Variants in SGCZ observed in about 807,000 individuals in gnomAD.
SGCZ encodes zeta-sarcoglycan.
A neutral mutation model predicts 41.3 loss-of-function variants in SGCZ; 40 were observed. The ratio of observed to expected loss-of-function variants is 0.97; its 90% CI spans 0.75 to 1.26. SGCZ has a LOEUF of 1.26. Ranked by LOEUF, SGCZ falls within the 50% of genes most tolerant of loss-of-function variation. SGCZ has a pLI of 0.00. For missense variants in SGCZ, 552 were observed against 369.8 expected, an observed-to-expected ratio of 1.49 and a Z score of -4.04; for synonymous variants, 206 against 137.5, an observed-to-expected ratio of 1.50 and a Z score of -3.49.
intron 2 of SGCZ, among the ~76,000 whole-genome samples, chr8:14,509,231 T>A (rs1399969928): frequency 6.6e-6 from 1 of 152,204 alleles, no homozygotes; most frequent in Admixed American, 6.6e-5. Flanking sequence ...TTATTTCCAA[T>A]GCTTAAGATT....
chr8:14,107,397 G>A (rs1043297753), intron 6 of SGCZ, among the ~76,000 whole-genome samples: 4 of 151,988 alleles, frequency 2.6e-5, no homozygotes, highest in Non-Finnish European at 5.9e-5. Flanking sequence ...ATGCCTCCTA[G>A]AACCATCACA....
intron 1 of SGCZ, among the ~76,000 whole-genome samples, chr8:14,942,534 T>A (rs1020742524): frequency 6.6e-6 from 1 of 152,106 alleles, no homozygotes; most frequent in African/African-American, 2.4e-5. Flanking sequence ...AATCTTACAT[T>A]TAAGGCCAGT....
intron 2 of SGCZ, among the ~76,000 whole-genome samples, chr8:14,491,445 G>A (rs62498375): frequency 0.19 from 28,857 of 152,126 alleles, 3,280 homozygotes; most frequent in Admixed American, 0.26. Context: ...GTGCTAAGCT[G>A]TCTAACTAGT....
intron 1 of SGCZ, among the ~76,000 whole-genome samples, chr8:14,838,959 G>A (rs1802803826): frequency 1.3e-5 from 2 of 152,280 alleles, no homozygotes; most frequent in African/African-American, 2.4e-5. Flanking sequence ...GCATGGCTAT[G>A]TTGGACAAGG....
intron 1 of SGCZ, among the ~76,000 whole-genome samples, chr8:14,803,535 G>A (rs1036036242): frequency 5.3e-5 from 8 of 152,136 alleles, no homozygotes; most frequent in Non-Finnish European, 1.0e-4. Flanking sequence ...TTAAAAAACG[G>A]CGCACCACGA....
intron 1 of SGCZ, among the ~76,000 whole-genome samples, chr8:14,925,135 G>A (rs550652187): frequency 6.6e-6 from 1 of 152,244 alleles, no homozygotes; most frequent in African/African-American, 2.4e-5. Context: ...TGGGATTATA[G>A]GCGTGAGGCA....
chr8:14,884,645 C>T (rs1207147519), intron 1 of SGCZ, among the ~76,000 whole-genome samples: 1 of 151,624 alleles, frequency 6.6e-6, no homozygotes, highest in Non-Finnish European at 1.5e-5. Context: ...ATAGAGATCT[C>T]CTAAGTGTAT....
At chr8:14,256,285 A>G (rs1422085710) in intron 3 of SGCZ, among the ~76,000 whole-genome samples, 1 of 152,134 alleles carries the variant, frequency 6.6e-6, no homozygotes, top group Non-Finnish European at 1.5e-5. Flanking sequence ...TGCATGTATG[A>G]GACATAGATT....
At chr8:14,964,368 T>C (rs1268104959) in intron 1 of SGCZ, among the ~76,000 whole-genome samples, 1 of 152,166 alleles carries the variant, frequency 6.6e-6, no homozygotes, top group African/African-American at 2.4e-5. Context: ...TGAAATGCCT[T>C]GATATAAAGA....
At chr8:14,315,682 T>G (rs540194890) in intron 3 of SGCZ, among the ~76,000 whole-genome samples, 5 of 152,000 alleles carry the variant, frequency 3.3e-5, no homozygotes, top group Admixed American at 2.0e-4. Flanking sequence ...CTAAGATAGA[T>G]TTACTTGAAA....
chr8:14,595,271 T>C (rs1805371365), intron 1 of SGCZ, among the ~76,000 whole-genome samples: 1 of 152,200 alleles, frequency 6.6e-6, no homozygotes, highest in Non-Finnish European at 1.5e-5. Flanking sequence ...CAGTATTTTT[T>C]TGGAAAACAT....
chr8:14,618,153 T>C, intron 1 of SGCZ, among the ~76,000 whole-genome samples: 1 of 152,028 alleles, frequency 6.6e-6, no homozygotes, highest in Non-Finnish European at 1.5e-5. Context: ...AACTTGACAA[T>C]AAAATAACCA....
intron 2 of SGCZ, among the ~76,000 whole-genome samples, chr8:14,551,568 TAA>T (rs1491379387): frequency 0.027 from 507 of 19,084 alleles, 17 homozygotes; most frequent in Middle Eastern, 0.045. Context: ...ATTATATATA[TAA>T]TATATATATA....
intron 2 of SGCZ, among the ~76,000 whole-genome samples, chr8:14,517,697 A>T (rs1218829967): frequency 6.6e-6 from 1 of 151,908 alleles, no homozygotes; most frequent in African/African-American, 2.4e-5. Flanking sequence ...TGGCATACGC[A>T]TTTTTAGGGG....
intron 1 of SGCZ, among the ~76,000 whole-genome samples, chr8:15,100,233 T>C (rs1297752464): frequency 1.3e-5 from 2 of 152,140 alleles, no homozygotes; most frequent in African/African-American, 4.8e-5. Context: ...TTCCTGGAAC[T>C]GTTAAGTAAT....
chr8:14,399,174 T>TATC lies in SGCZ; in HGVS notation c.235-74973_235-74971dup, dbSNP rs1472801070. 2.6e-5 allele frequency among the ~76,000 whole-genome samples: 4 copies of TATC among 152,280 alleles called. 1 individual carries two copies. In the South Asian group the frequency reaches 8.3e-4, roughly 32 times the overall value. ...TTTCAGAATTTAAAATATTGTTGTG[T>TATC]ATCTTTCATCAGATTATTTTCCTGT... On this transcript the variant is annotated intron_variant, in intron 2 of 7. Transcript: ENST00000382080.
At chr8:14,788,279 G>A (rs547968475) in intron 1 of SGCZ, among the ~76,000 whole-genome samples, 1 of 152,044 alleles carries the variant, frequency 6.6e-6, no homozygotes, top group African/African-American at 2.4e-5. Context: ...ATTATTTCCA[G>A]AAACATAGAC....
At position 14,089,878 on chromosome 8, in the gene SGCZ, T is replaced by C. The variant is rs1281522029; in HGVS notation, c.*565A>G. On this transcript the variant is annotated 3_prime_UTR_variant, in exon 8 of 8. Transcript: ENST00000382080. The stretch of plus-strand genomic sequence containing the variant: ...AGAAGGAAAACTCAGGGAGAGATTC[T>C]GTATTGTTTTGTTTTGTTCTGTTTT... 1 of 152,490 alleles carries C rather than the reference T, an allele frequency of 6.6e-6. No homozygotes were observed. Among genetic ancestry groups the C allele is most frequent in the African/African-American group, 2.4e-5 (1 of 41,434 alleles). 9.4% of individuals were successfully genotyped at this position (152,490 alleles called of 1,614,324 possible).
At position 14,136,024 on chromosome 8, in the gene SGCZ, A is replaced by G. The variant is rs12676362; in HGVS notation, c.548-27789T>C. 4.4e-3 allele frequency among the ~76,000 whole-genome samples: 676 copies of G among 152,338 alleles called. 17 individuals carry two copies. The East Asian group carries it at 0.056, about 13-fold the overall frequency. ...AAACCAGACCAAAAAAATAGTATAAAGCCGAAAAACTATAGACCAATATTG... is the reference window on the plus strand; with the variant it reads ...AAACCAGACCAAAAAAATAGTATAAGGCCGAAAAACTATAGACCAATATTG... On this transcript the variant is annotated intron_variant, in intron 5 of 7. Coordinates refer to ENST00000382080, the MANE Select transcript of SGCZ (RefSeq NM_139167.4).
Sources: gnomAD v4.1 joint callset for allele counts (sites outside exome capture counted in the v4.1 genomes callset) on GRCh38, gnomAD v4.1.1 for gene constraint, MANE v1.5 for transcripts, NCBI Gene and HGNC (gene_info 2026-07-23, HGNC 2026-07-21) for gene names.